Variants in CAPS2 observed in about 807,000 individuals in gnomAD.
The protein encoded by CAPS2 is calcyphosine 2.
A neutral mutation model predicts 86.5 loss-of-function variants in CAPS2; 98 were observed. That is an observed-to-expected ratio of 1.13 (90% CI 0.96 to 1.34). The LOEUF is 1.34. CAPS2 is among the 40% of genes most tolerant of loss of function. CAPS2 has a pLI of 0.00. For missense variants in CAPS2, 729 were observed against 686.8 expected (o/e 1.06, Z -0.69); for synonymous variants, 210 against 225.1 (o/e 0.93, Z 0.60).
At chr12:75,374,432 G>A (rs1157455543) in intron 1 of CAPS2, among the ~76,000 whole-genome samples, 6 of 152,160 alleles carry the variant, frequency 3.9e-5, no homozygotes, top group Non-Finnish European at 8.8e-5. Context: ...CACCTTAGAA[G>A]GAATATCTCC....
chr12:75,388,407 T>C (rs1349905222), intron 1 of CAPS2, among the ~76,000 whole-genome samples: 3 of 152,100 alleles, frequency 2.0e-5, no homozygotes, highest in African/African-American at 7.2e-5. Context: ...CAGTAGCTAC[T>C]GGAATAAAGA....
upstream of CAPS2, among the ~76,000 whole-genome samples, chr12:75,330,261 T>C (rs1202850179): frequency 6.6e-6 from 1 of 152,212 alleles, no homozygotes; most frequent in Non-Finnish European, 1.5e-5. Flanking sequence ...AAGTACTTGC[T>C]GGCTGGAAAA....
intron 1 of CAPS2, among the ~76,000 whole-genome samples, chr12:75,381,903 A>G (rs7295336): frequency 0.55 from 82,926 of 151,970 alleles, 22,674 homozygotes; most frequent in East Asian, 0.58. Flanking sequence ...ATGAGCCACC[A>G]CACCCAGCCT....
At chr12:75,330,698 A>T (rs761372580), upstream of CAPS2, among the ~76,000 whole-genome samples, 1 of 152,030 alleles carries the variant, frequency 6.6e-6, no homozygotes, top group African/African-American at 2.4e-5. Context: ...ATGTATGTGT[A>T]TTTGTGTGTG....
chr12:75,300,413 G>A (rs941760878), intron 8 of CAPS2, among the ~76,000 whole-genome samples: 21 of 151,788 alleles, frequency 1.4e-4, no homozygotes, highest in Non-Finnish European at 2.4e-4. Flanking sequence ...AAAATTAGCC[G>A]GGCGTGGTGG....
intron 1 of CAPS2, chr12:75,390,270 T>A (rs1024119912): frequency 6.6e-6 from 3 of 455,924 alleles, no homozygotes; most frequent in Non-Finnish European, 1.3e-5. Context: ...CAGCTAGATA[T>A]TAGCCAATTT....
chr12:75,319,145 A>C (rs936149545), intron 5 of CAPS2, among the ~76,000 whole-genome samples: 1 of 152,202 alleles, frequency 6.6e-6, no homozygotes, highest in Non-Finnish European at 1.5e-5. Context: ...ACAATCTGAC[A>C]ACAAGAGATT....
chr12:75,360,158 C>A (rs1280343075), intron 1 of CAPS2: 1 of 152,268 alleles, frequency 6.6e-6, no homozygotes, highest in East Asian at 1.9e-4. Context: ...TCCCTCAACA[C>A]ATAAGAATTA....
At chr12:75,298,018 A>G (rs74108703) in intron 11 of CAPS2, among the ~76,000 whole-genome samples, 14 of 152,144 alleles carry the variant, frequency 9.2e-5, no homozygotes, top group Admixed American at 2.6e-4. Flanking sequence ...GCCAGCTCCA[A>G]AAAAGCAGGG....
upstream of CAPS2, among the ~76,000 whole-genome samples, chr12:75,330,355 C>T (rs968447219): frequency 2.0e-5 from 3 of 152,230 alleles, no homozygotes; most frequent in Admixed American, 1.3e-4. Context: ...CGGCGAGGAG[C>T]CGGAGCGGAC....
At chr12:75,280,687 A>G (rs2033786646) in intron 16 of CAPS2, among the ~76,000 whole-genome samples, 1 of 151,934 alleles carries the variant, frequency 6.6e-6, no homozygotes, top group South Asian at 2.1e-4. Context: ...TACACTAAAA[A>G]TTCTCATAGA....
chr12:75,304,949 C>A (rs752311811), intron 7 of CAPS2, 73 bp from the exon 8 acceptor site: 1 of 1,475,282 alleles, frequency 6.8e-7, no homozygotes, highest in East Asian at 2.3e-5. Flanking sequence ...TATTTATAAG[C>A]AGTTCTAAAA....
intron 1 of CAPS2, among the ~76,000 whole-genome samples, chr12:75,345,122 T>C (rs2042361462): frequency 6.6e-6 from 1 of 152,122 alleles, no homozygotes; most frequent in African/African-American, 2.4e-5. Flanking sequence ...TTCAGTACTA[T>C]GCCATCTAAA....
chr12:75,388,041 C>T (rs2045380172), intron 1 of CAPS2, among the ~76,000 whole-genome samples: 1 of 152,188 alleles, frequency 6.6e-6, no homozygotes, highest in Non-Finnish European at 1.5e-5. Flanking sequence ...CCACCCAAAT[C>T]TTACCCTGAA....
exon 3 of CAPS2, chr12:75,323,184 T>A (rs1415916186): frequency 2.6e-6 from 4 of 1,540,740 alleles, no homozygotes; most frequent in Non-Finnish European, 3.5e-6. Context: ...TACCTCATCA[T>A]CAGAGTCAAC....
chr12:75,289,553 A>G, intron 14 of CAPS2, 68 bp downstream of exon 14: 1 of 1,370,590 alleles, frequency 7.3e-7, no homozygotes, highest in Non-Finnish European at 1.0e-6. Context: ...AAATTTCAGT[A>G]GAACAGTGAA....
intron 1 of CAPS2, among the ~76,000 whole-genome samples, chr12:75,377,862 CGTGT>C (rs63284960): frequency 0.31 from 46,247 of 149,142 alleles, 7,308 homozygotes; most frequent in Middle Eastern, 0.42. Flanking sequence ...TATATATATG[CGTGT>C]GTGTGTGTGT....
At chr12:75,323,061 A>G (rs1184399503) in exon 4 of CAPS2, 7 of 1,549,808 alleles carry the variant, frequency 4.5e-6, no homozygotes, top group Middle Eastern at 1.7e-4. Flanking sequence ...GGTTTGCTGT[A>G]CTAAGTGGAA....
chr12:75,308,495 C>G (rs146658562), intron 7 of CAPS2, among the ~76,000 whole-genome samples: 1 of 152,128 alleles, frequency 6.6e-6, no homozygotes, highest in Non-Finnish European at 1.5e-5. Flanking sequence ...GCTTTTGTTG[C>G]GTCATCCTTT....
Sources: allele counts gnomAD v4.1 joint callset (sites outside exome capture counted in the v4.1 genomes callset), GRCh38; gene constraint gnomAD v4.1.1; transcripts MANE v1.5; gene names NCBI Gene and HGNC (gene_info 2026-07-23, HGNC 2026-07-21).